GABRG3: variants seen among roughly 807,000 people sequenced by gnomAD.
GABRG3 encodes gamma-aminobutyric acid receptor subunit gamma-3.
A neutral mutation model predicts 48.8 loss-of-function variants in GABRG3; 25 were observed. The ratio of observed to expected loss-of-function variants is 0.51; its 90% CI spans 0.37 to 0.72. GABRG3 has a LOEUF of 0.72. Among genes scored for constraint, GABRG3 ranks in the 30% least tolerant of loss-of-function variants. The pLI, the probability that GABRG3 is intolerant of heterozygous loss-of-function variation, is 0.00. For synonymous variants in GABRG3, 227 were observed against 217.6 expected, an observed-to-expected ratio of 1.04 and a Z score of -0.38; for missense variants, 394 against 577.9, an observed-to-expected ratio of 0.68 and a Z score of 3.26.
intron 6 of GABRG3, among the ~76,000 whole-genome samples, chr15:27,515,026 A>G (rs1443373470): frequency 1.3e-5 from 2 of 152,198 alleles, no homozygotes; most frequent in Non-Finnish European, 2.9e-5. Context: ...ATGGTAAAAT[A>G]AAAGGTTGAT....
chr15:27,183,936 TC>T (rs1193248626), intron 3 of GABRG3, among the ~76,000 whole-genome samples: 1 of 152,222 alleles, frequency 6.6e-6, no homozygotes. Flanking sequence ...CCAGGCACTT[TC>T]CCTCTACCAT....
chr15:27,112,363 G>A (rs1443100234), intron 3 of GABRG3, among the ~76,000 whole-genome samples: 4 of 151,816 alleles, frequency 2.6e-5, no homozygotes, highest in East Asian at 1.9e-4. Context: ...ATATGTATGC[G>A]CAGATTCTTG....
intron 9 of GABRG3, among the ~76,000 whole-genome samples, chr15:27,530,005 G>A (rs1449398210): frequency 6.6e-6 from 1 of 151,952 alleles, no homozygotes; most frequent in Non-Finnish European, 1.5e-5. Context: ...CAACCAGAGA[G>A]ACCTGTAGCA....
chr15:26,997,402 A>G (rs982897273), intron 2 of GABRG3, among the ~76,000 whole-genome samples: 6 of 152,000 alleles, frequency 3.9e-5, no homozygotes, highest in Non-Finnish European at 8.8e-5. Flanking sequence ...ATTTATTTGC[A>G]TTTCTCATAT....
intron 3 of GABRG3, among the ~76,000 whole-genome samples, chr15:27,036,997 C>T (rs562339166): frequency 8.5e-5 from 13 of 152,230 alleles, no homozygotes; most frequent in East Asian, 1.9e-4. Context: ...GATTTGGAAA[C>T]GACTCACACA....
chr15:27,112,020 A>C (rs766920589), intron 3 of GABRG3, among the ~76,000 whole-genome samples: 3 of 152,172 alleles, frequency 2.0e-5, no homozygotes, highest in Non-Finnish European at 4.4e-5. Context: ...TACCATGAGA[A>C]TCTGGTGGAA....
intron 3 of GABRG3, among the ~76,000 whole-genome samples, chr15:27,250,437 G>A (rs970473111): frequency 5.9e-5 from 9 of 152,182 alleles, no homozygotes; most frequent in Admixed American, 2.6e-4. Context: ...TGCAGGAAGC[G>A]CTGCTTTTTT....
At chr15:27,381,540 G>C (rs1895777048) in intron 5 of GABRG3, among the ~76,000 whole-genome samples, 1 of 152,238 alleles carries the variant, frequency 6.6e-6, no homozygotes, top group Non-Finnish European at 1.5e-5. Context: ...GCTGGCTGCG[G>C]AAGAGATTCC....
chr15:27,417,296 T>C (rs1887968001), intron 5 of GABRG3, among the ~76,000 whole-genome samples: 1 of 152,190 alleles, frequency 6.6e-6, no homozygotes, highest in Non-Finnish European at 1.5e-5. Context: ...TACTTCTTAG[T>C]TGACGTTCTT....
At position 27,328,803 on chromosome 15, in the gene GABRG3, C is replaced by A; in HGVS notation, c.492-3C>A. ...GCTAGACTGACACTTGGCTTTTTCGCAGGCTCACCATCAATGCTGAGTGCC... is the reference window on the plus strand; with the variant it reads ...GCTAGACTGACACTTGGCTTTTTCGAAGGCTCACCATCAATGCTGAGTGCC... On this transcript the variant is annotated splice_polypyrimidine_tract_variant and splice_region_variant and intron_variant, in intron 4 of 9. Transcript: ENST00000615808. 6.2e-7 allele frequency: 1 copy of A among 1,613,754 alleles called. No individual in the cohort carries two copies. The highest frequency in any genetic ancestry group is 1.1e-5 in the South Asian group (1 of 91,078).
At chr15:27,374,134 T>C (rs558335369) in intron 5 of GABRG3, among the ~76,000 whole-genome samples, 1 of 146,806 alleles carries the variant, frequency 6.8e-6, no homozygotes, top group Non-Finnish European at 1.5e-5. Flanking sequence ...CCTTTTCTTT[T>C]CTTCTTTTTT....
intron 3 of GABRG3, among the ~76,000 whole-genome samples, chr15:27,303,991 G>A (rs568915455): frequency 1.3e-4 from 20 of 151,872 alleles, no homozygotes; most frequent in South Asian, 2.1e-4. Context: ...GGAAAGCTGC[G>A]CGGTCATAGA....
chr15:27,035,499 G>A (rs1304229716), intron 3 of GABRG3, among the ~76,000 whole-genome samples: 1 of 151,666 alleles, frequency 6.6e-6, no homozygotes, highest in African/African-American at 2.4e-5. Context: ...TTCACAATGT[G>A]AGCTACATAA....
At chr15:27,341,416 C>T (rs1894173700) in intron 5 of GABRG3, among the ~76,000 whole-genome samples, 1 of 152,090 alleles carries the variant, frequency 6.6e-6, no homozygotes, top group Non-Finnish European at 1.5e-5. Flanking sequence ...CAAACTTGAA[C>T]CAAGCTGAGT....
At chr15:27,012,893 T>C (rs1304687958) in intron 2 of GABRG3, among the ~76,000 whole-genome samples, 2 of 152,240 alleles carry the variant, frequency 1.3e-5, no homozygotes, top group South Asian at 2.1e-4. Flanking sequence ...TGAATAGTGG[T>C]AAGCAGAAAG....
intron 3 of GABRG3, among the ~76,000 whole-genome samples, chr15:27,046,054 G>A (rs1896357695): frequency 6.6e-6 from 1 of 152,154 alleles, no homozygotes; most frequent in Middle Eastern, 3.2e-3. Flanking sequence ...GGCGAGGGAA[G>A]GGATGCCCTT....
Position 27,195,126 on chromosome 15 carries a change from TC to T in GABRG3, c.271-131682del, listed in dbSNP as rs1555408953. Among the ~76,000 whole-genome samples the T allele has an allele frequency of 2.2e-4, 33 of 151,206 alleles. No individual in the cohort carries two copies. The South Asian group carries it at 6.9e-3, about 32-fold the overall frequency. The stretch of plus-strand genomic sequence containing the variant: ...GAGCTTTTTCATTTAGGAATTTCTT[TC>T]AGGAATTTCTTTCAAGAGAATGAAT... On this transcript the variant is annotated intron_variant, in intron 3 of 9. Transcript: ENST00000615808.
At chr15:27,483,037 A>G (rs1173932475) in intron 6 of GABRG3, 2 of 152,260 alleles carry the variant, frequency 1.3e-5, no homozygotes, top group Admixed American at 6.5e-5. Context: ...TGGATGTAAT[A>G]TATTAAATAT....
chr15:27,104,818 A>C (rs562951531), intron 3 of GABRG3, among the ~76,000 whole-genome samples: 1 of 152,346 alleles, frequency 6.6e-6, no homozygotes, highest in African/African-American at 2.4e-5. Flanking sequence ...ACTGTTGTCT[A>C]TGTGGAACTA....
Sources: allele counts gnomAD v4.1 joint callset (sites outside exome capture counted in the v4.1 genomes callset), GRCh38; gene constraint gnomAD v4.1.1; transcripts MANE v1.5; gene names NCBI Gene and HGNC (gene_info 2026-07-23, HGNC 2026-07-21).